Variants in ZMYND8 observed in about 807,000 individuals in gnomAD.
ZMYND8 encodes MYND-type zinc finger-containing chromatin reader ZMYND8.
Under a neutral mutation model 140.8 loss-of-function variants are expected in ZMYND8, and 37 were observed. That is an observed-to-expected ratio of 0.26 (90% confidence interval 0.20 to 0.35). The LOEUF is 0.35. Among genes scored for constraint, ZMYND8 ranks in the 10% least tolerant of loss-of-function variants. The pLI, the probability that ZMYND8 is intolerant of heterozygous loss-of-function variation, is 1.00. For synonymous variants in ZMYND8, 592 were observed against 597.1 expected, an observed-to-expected ratio of 0.99 and a Z score of 0.12; for missense variants, 1,068 against 1,570.0, an observed-to-expected ratio of 0.68 and a Z score of 5.40.
Position 47,210,612 on chromosome 20 carries a change from A to G in ZMYND8, c.*149T>C. On this transcript the variant is annotated 3_prime_UTR_variant, in exon 23 of 23. Transcript: ENST00000471951. The stretch of plus-strand genomic sequence containing the variant: ...GATGCTGGGTGTCCTGTAGTGTAGC[A>G]GCCCCCGCGCCGGGGGCTCAGGCTC... 8.0e-7 allele frequency: 1 copy of G among 1,246,568 alleles called. No individual in the cohort carries two copies. The highest frequency in any genetic ancestry group is 1.2e-6 in the Non-Finnish European group (1 of 864,202). 77.2% of individuals were successfully genotyped at this position (1,246,568 alleles called of 1,614,324 possible). A position where few individuals can be genotyped will look rare whatever the true frequency, so the allele number is the denominator to read the frequency against.
At chr20:47,250,169 C>T (rs538539305) in intron 12 of ZMYND8, among the ~76,000 whole-genome samples, 8 of 152,260 alleles carry the variant, frequency 5.3e-5, no homozygotes, top group African/African-American at 1.2e-4. Flanking sequence ...TGACTCAGGC[C>T]GGAGGTCCTG....
rs760106386 is a variant in ZMYND8 at position 47,246,279 on chromosome 20, C to T, written c.2013G>A (p.Thr671=). ...GGTCTGCCTTCTCGCTGGCTGGTGA[C>T]GTGCTTTTCAGCTCCTCTTTAATCT... ...PVEIKEELKS[T]SPASEKADPG... is the part of the protein sequence containing the mutation. Residue 671 remains threonine (T), a synonymous_variant, in exon 14 of 23, where the codon ACG becomes ACA. Transcript: ENST00000471951. The T allele has an allele frequency of 3.7e-5, 60 of 1,614,060 alleles. No homozygotes were observed. The highest frequency in any genetic ancestry group is 1.2e-4 in the Admixed American group (7 of 59,998).
intron 3 of ZMYND8, among the ~76,000 whole-genome samples, chr20:47,309,797 C>T (rs895100533): frequency 3.3e-5 from 5 of 151,766 alleles, no homozygotes; most frequent in Admixed American, 6.6e-5. Context: ...TACAAGGAAA[C>T]GCCCCAAACC....
Position 47,257,743 on chromosome 20 carries a change from A to G in ZMYND8, c.1621+4545T>C, listed in dbSNP as rs548161632. Reference sequence around the variant, plus strand: ...ACTTATATACCATATATTCTTAATTATAGTGTAACAGTATAATATAATTAC... The same window carrying G: ...ACTTATATACCATATATTCTTAATTGTAGTGTAACAGTATAATATAATTAC... On this transcript the variant is annotated intron_variant, in intron 12 of 22. Transcript: ENST00000471951. Among the ~76,000 whole-genome samples the G allele has an allele frequency of 2.6e-5, 4 of 152,336 alleles. 1 individual carries two copies. In the South Asian group the frequency reaches 8.3e-4, roughly 32 times the overall value.
intron 16 of ZMYND8, among the ~76,000 whole-genome samples, chr20:47,234,737 TA>T (rs999901961): frequency 1.6e-4 from 24 of 148,976 alleles, no homozygotes; most frequent in African/African-American, 2.4e-4. Flanking sequence ...CTCATTTGTG[TA>T]AAAAAAAAAA....
At position 47,298,401 on chromosome 20, in the gene ZMYND8, A is replaced by G; in HGVS notation, c.453+328T>C. On this transcript the variant is annotated intron_variant, in intron 4 of 22. Transcript: ENST00000471951. This position sits in a 1 kb window ranked among gnomAD's most constrained non-coding sequence, Gnocchi z 5.0. ...GGAGAAAACAGAATGAGATCTTTTC[A>G]AAATGTGTGAGCCGTTCATGATTTG... is the stretch of plus-strand genomic sequence containing the variant. The G allele has an allele frequency of 1.0e-6, 1 of 985,444 alleles. No homozygotes were observed. Among genetic ancestry groups the G allele is most frequent in the Non-Finnish European group, 1.2e-6 (1 of 829,938 alleles). The allele number at this position is 985,444 out of a possible 1,614,324, so 61.0% of individuals were successfully genotyped here.
At chr20:47,338,916 G>C (rs1363446245) in intron 2 of ZMYND8, among the ~76,000 whole-genome samples, 5 of 151,790 alleles carry the variant, frequency 3.3e-5, no homozygotes, top group Non-Finnish European at 7.4e-5. Context: ...ATGGAGAGAA[G>C]CAAATTCCTA....
chr20:47,309,058 T>A (rs2078717876), intron 3 of ZMYND8, among the ~76,000 whole-genome samples: 1 of 152,142 alleles, frequency 6.6e-6, no homozygotes, highest in Non-Finnish European at 1.5e-5. Flanking sequence ...CACCAGTAAG[T>A]CCACTAAAGT....
In ZMYND8 at chr20:47,249,329, G is replaced by C. The variant is rs1399212505; in HGVS notation, c.1732C>G (p.Leu578Val). The C allele has an allele frequency of 9.9e-6, 16 of 1,613,956 alleles. No individual in the cohort carries two copies. The highest frequency in any genetic ancestry group is 1.3e-5 in the African/African-American group (1 of 74,890). The change falls in exon 13 of 23, where the codon CTG becomes GTG. Residue 578 changes from leucine (L) to valine (V), a missense_variant. Physicochemically the swap from Leu to Val is conservative, Grantham distance 32 (BLOSUM62 1). Transcript: ENST00000471951. ...PKRQIRSRFQ[L>V]NLDKTIESCK... is the part of the protein sequence containing the mutation. ...CTCTCTATGGTCTTGTCAAGATTCA[G>C]CTGGAACCTGCTACGAATCTGGCGC...
In ZMYND8 at chr20:47,286,785, T is replaced by C. The variant is rs1039958899; in HGVS notation, c.804+444A>G. ...ATCCACGCCATCACAATTATGGGCA[T>C]TTGCAAGAAAACAGGTTCTCCTGGA... On this transcript the variant is annotated intron_variant, in intron 8 of 22. Coordinates refer to ENST00000471951, the MANE Select transcript of ZMYND8 (RefSeq NM_001281775.3). Among the ~76,000 whole-genome samples, 3 of 152,186 alleles carry C rather than the reference T, an allele frequency of 2.0e-5. No individual in the cohort carries two copies. In the East Asian group the frequency reaches 5.8e-4, roughly 29 times the overall value.
chr20:47,240,834 G>T (rs1248350287), intron 14 of ZMYND8, among the ~76,000 whole-genome samples: 2 of 151,698 alleles, frequency 1.3e-5, no homozygotes, highest in Non-Finnish European at 2.9e-5. Flanking sequence ...AATTACAGGC[G>T]TGAGCCAACG....
chr20:47,340,663 G>A (rs1384521930), intron 2 of ZMYND8, among the ~76,000 whole-genome samples: 8 of 151,592 alleles, frequency 5.3e-5, no homozygotes, highest in Admixed American at 2.0e-4. Flanking sequence ...GTGTGGCGGC[G>A]TATGCCCCAG....
At chr20:47,233,922 C>T (rs2038879906) in intron 16 of ZMYND8, among the ~76,000 whole-genome samples, 1 of 152,210 alleles carries the variant, frequency 6.6e-6, no homozygotes, top group Non-Finnish European at 1.5e-5. Flanking sequence ...ATATTTTGTG[C>T]CCATCTGTAA....
intron 2 of ZMYND8, 46 bp downstream of exon 2, chr20:47,347,810 A>G (rs750047856): frequency 1.3e-6 from 2 of 1,598,366 alleles, no homozygotes; most frequent in South Asian, 1.1e-5. Flanking sequence ...AGAAATTCCA[A>G]TTTCCTCCTT....
At chr20:47,292,478 A>G (rs998782867) in intron 5 of ZMYND8, among the ~76,000 whole-genome samples, 1 of 152,084 alleles carries the variant, frequency 6.6e-6, no homozygotes, top group Non-Finnish European at 1.5e-5. Flanking sequence ...GCTTCCACTG[A>G]TTGAGATTTT....
intron 3 of ZMYND8, among the ~76,000 whole-genome samples, chr20:47,303,881 C>T (rs2078274719): frequency 6.6e-6 from 1 of 152,236 alleles, no homozygotes; most frequent in African/African-American, 2.4e-5. Flanking sequence ...ATCCCGAGGA[C>T]TGCCTGGCTG....
chr20:47,278,816 G>T (rs567792205), intron 10 of ZMYND8, among the ~76,000 whole-genome samples: 2 of 152,122 alleles, frequency 1.3e-5, no homozygotes, highest in South Asian at 4.2e-4. Flanking sequence ...TTTGCCTCAC[G>T]GTGAGATTCT....
At chr20:47,217,065 G>C (rs1411993962) in intron 21 of ZMYND8, among the ~76,000 whole-genome samples, 3 of 152,100 alleles carry the variant, frequency 2.0e-5, no homozygotes, top group Admixed American at 2.0e-4. Context: ...GGACATGCTA[G>C]GAAAACAGGA....
Position 47,347,907 on chromosome 20 carries a change from T to G in ZMYND8, c.34A>C (p.Lys12Gln). 8 of 1,614,022 alleles carry G rather than the reference T, an allele frequency of 5.0e-6. No homozygotes were observed. The highest frequency in any genetic ancestry group is 6.8e-6 in the Non-Finnish European group (8 of 1,180,034). Residue 12 changes from lysine to glutamine, a missense_variant, in exon 2 of 23, where the codon AAA becomes CAA. Around this residue, in one of 10 missense-constraint regions of ZMYND8, gnomAD observed 77 missense variants for 85.1 expected, o/e 0.91. Transcript: ENST00000471951. ...HPQSLAEEEI[K>Q]TEQEVVEGMD... The stretch of plus-strand genomic sequence containing the variant: ...CCCTCTACCACCTCCTGTTCTGTTT[T>G]TATTTCCTCTTCAGCCAAGCTGAAA...
Sources: gnomAD v4.1 joint callset for allele counts (sites outside exome capture counted in the v4.1 genomes callset) on GRCh38, gnomAD v4.1.1 for gene constraint, gnomAD v4.1.1 regional missense constraint, Gnocchi (gnomAD v3.1) non-coding constraint, MANE v1.5 for transcripts, NCBI Gene and HGNC (gene_info 2026-07-23, HGNC 2026-07-21) for gene names.